FRMD3: variants seen among roughly 807,000 people sequenced by gnomAD.
FRMD3 encodes FERM domain-containing protein 3.
Under a neutral mutation model 70.2 loss-of-function variants are expected in FRMD3, and 33 were observed. The observed-to-expected ratio is 0.47, with a 90% CI of 0.36 to 0.63. The LOEUF is 0.63. Ranked by LOEUF, FRMD3 falls within the 20% of genes least tolerant of loss-of-function variation. The pLI is 0.00. For synonymous variants in FRMD3, 279 were observed against 255.9 expected, an observed-to-expected ratio of 1.09 and a Z score of -0.86; for missense variants, 632 against 711.4, an observed-to-expected ratio of 0.89 and a Z score of 1.27.
intron 1 of FRMD3, among the ~76,000 whole-genome samples, chr9:83,500,786 T>C (rs944391577): frequency 3.9e-5 from 6 of 152,088 alleles, no homozygotes; most frequent in Non-Finnish European, 7.4e-5. Flanking sequence ...GACAGCAAAA[T>C]ATGAGTTTGG....
At chr9:83,559,799 CAAT>C in the FRMD3 span, among the ~76,000 whole-genome samples, 3 of 151,956 alleles carry the variant, frequency 2.0e-5, no homozygotes, top group Non-Finnish European at 2.9e-5. Context: ...AATTATACCT[CAAT>C]AAAATAATTC....
At chr9:83,433,947 C>A (rs1827056677) in intron 1 of FRMD3, among the ~76,000 whole-genome samples, 1 of 152,148 alleles carries the variant, frequency 6.6e-6, no homozygotes, top group African/African-American at 2.4e-5. Flanking sequence ...GGGCTGGGGA[C>A]CCCTGCCTTA....
rs944222843 is a variant in FRMD3 at position 83,315,047 on chromosome 9, G to A, written c.597-1300C>T. Among the ~76,000 whole-genome samples, 114 of 151,636 alleles carry A rather than the reference G, an allele frequency of 7.5e-4. 1 individual carries two copies. Among genetic ancestry groups the A allele is most frequent in the African/African-American group, 2.7e-3 (110 of 41,208 alleles). On this transcript the variant is annotated intron_variant, in intron 6 of 13. Transcript: ENST00000304195. ...TGCACATTCTGCTGCTTCTGTCATTGATATGTTTTTTTTTTAAATATCAAT... is the reference window on the plus strand; with the variant it reads ...TGCACATTCTGCTGCTTCTGTCATTAATATGTTTTTTTTTTAAATATCAAT...
rs1223683233 is a variant in FRMD3 at position 83,247,117 on chromosome 9, A to C, written c.*801T>G. 1 of 985,312 alleles carries C rather than the reference A, an allele frequency of 1.0e-6. No homozygotes were observed. The highest frequency in any genetic ancestry group is 1.2e-6 in the Non-Finnish European group (1 of 829,922). The allele number at this position is 985,312 out of a possible 1,614,324, so 61.0% of individuals were successfully genotyped here. On this transcript the variant is annotated 3_prime_UTR_variant, in exon 14 of 14. Transcript: ENST00000304195. ...ATGAAAATAACAAGTCCTCTTGTCC[A>C]AATACTTTGAAAAATGGACCACCCT...
intron 10 of FRMD3, 59 bp downstream of exon 10, chr9:83,309,476 AC>A: frequency 9.9e-7 from 1 of 1,007,144 alleles, no homozygotes; most frequent in African/African-American, 1.6e-5. Flanking sequence ...CATTTGCAAA[AC>A]ATAAAGAATT....
chr9:83,323,561 G>T (rs1006810749), intron 6 of FRMD3, among the ~76,000 whole-genome samples: 2 of 152,094 alleles, frequency 1.3e-5, no homozygotes, highest in South Asian at 4.2e-4. Context: ...CTCTTCATGT[G>T]CTGCCTTGCA....
chr9:83,461,981 C>T (rs1028280232), intron 1 of FRMD3, among the ~76,000 whole-genome samples: 1 of 152,082 alleles, frequency 6.6e-6, no homozygotes, highest in East Asian at 1.9e-4. Context: ...GCCACCAATG[C>T]CTGGCAGCAA....
At chr9:83,450,272 C>T (rs72746804) in intron 1 of FRMD3, among the ~76,000 whole-genome samples, 4,012 of 151,730 alleles carry the variant, frequency 0.026, 73 homozygotes, top group Non-Finnish European at 0.04. Context: ...CAGACACAGC[C>T]GCATGCACAC....
intron 1 of FRMD3, among the ~76,000 whole-genome samples, chr9:83,524,948 A>T (rs562822609): frequency 6.6e-6 from 1 of 152,330 alleles, no homozygotes; most frequent in African/African-American, 2.4e-5. Context: ...GCCAAAAAAT[A>T]ACATTAGCTA....
At chr9:83,478,012 C>T (rs1161208737) in intron 1 of FRMD3, among the ~76,000 whole-genome samples, 1 of 152,220 alleles carries the variant, frequency 6.6e-6, no homozygotes. Flanking sequence ...TTTAGACAAA[C>T]TTCCATTGAA....
chr9:83,559,946 C>A, the FRMD3 span, among the ~76,000 whole-genome samples: 1 of 151,836 alleles, frequency 6.6e-6, no homozygotes, highest in Non-Finnish European at 1.5e-5. Flanking sequence ...TAAGTATATA[C>A]AGAGTTTTAT....
intron 6 of FRMD3, among the ~76,000 whole-genome samples, chr9:83,321,815 TC>T (rs1216267198): frequency 6.6e-6 from 1 of 152,152 alleles, no homozygotes; most frequent in Non-Finnish European, 1.5e-5. Context: ...TCTGTCTCTT[TC>T]TTTAGGTCTA....
At chr9:83,476,405 T>G (rs1272787174) in intron 1 of FRMD3, among the ~76,000 whole-genome samples, 2 of 148,876 alleles carry the variant, frequency 1.3e-5, no homozygotes, top group African/African-American at 2.5e-5. Flanking sequence ...AAAAAGGATA[T>G]GTTGAATTTT....
At chr9:83,262,872 A>C (rs1354623593) in intron 13 of FRMD3, among the ~76,000 whole-genome samples, 5 of 152,128 alleles carry the variant, frequency 3.3e-5, no homozygotes, top group Non-Finnish European at 7.4e-5. Context: ...TTGACTCCTT[A>C]TGGCCCATTT....
At chr9:83,338,444 T>A (rs1823649916) in intron 5 of FRMD3, among the ~76,000 whole-genome samples, 1 of 152,178 alleles carries the variant, frequency 6.6e-6, no homozygotes, top group Non-Finnish European at 1.5e-5. Flanking sequence ...GCATTAATCA[T>A]AATAGTCAGA....
At chr9:83,343,439 G>A in intron 4 of FRMD3, 152 bp from the exon 5 acceptor site, 1 of 613,262 alleles carries the variant, frequency 1.6e-6, no homozygotes, top group South Asian at 2.0e-5. Context: ...AACAAGCAGA[G>A]GAAAGCTGAG....
intron 1 of FRMD3, among the ~76,000 whole-genome samples, chr9:83,401,278 C>A (rs1825943782): frequency 6.6e-6 from 1 of 152,102 alleles, no homozygotes; most frequent in Admixed American, 6.6e-5. Context: ...CTCTCAGAGT[C>A]CAGAAAGAAA....
chr9:83,524,928 G>A (rs1429532485), intron 1 of FRMD3, among the ~76,000 whole-genome samples: 4 of 152,120 alleles, frequency 2.6e-5, no homozygotes, highest in Non-Finnish European at 5.9e-5. Context: ...AGTAATATGT[G>A]TATCGACCGG....
chr9:83,464,471 C>T (rs984310630), intron 1 of FRMD3, among the ~76,000 whole-genome samples: 6 of 152,186 alleles, frequency 3.9e-5, no homozygotes, highest in Non-Finnish European at 1.5e-5. Flanking sequence ...CCTCTTTGCT[C>T]TAACAGCAAA....
Sources: gnomAD v4.1 joint callset for allele counts (sites outside exome capture counted in the v4.1 genomes callset) on GRCh38, gnomAD v4.1.1 for gene constraint, MANE v1.5 for transcripts, NCBI Gene and HGNC (gene_info 2026-07-23, HGNC 2026-07-21) for gene names.